FRAS1: variants seen among roughly 807,000 people sequenced by gnomAD.
The protein encoded by FRAS1 is extracellular matrix organizing protein FRAS1.
FRAS1 carries 290 observed loss-of-function variants against 435.2 expected under a neutral mutation model. That is an observed-to-expected ratio of 0.67 (90% CI 0.61 to 0.73). FRAS1 has a LOEUF of 0.73. FRAS1 is among the 30% of genes least tolerant of loss of function. The pLI, the probability that FRAS1 is intolerant of heterozygous loss-of-function variation, is 0.00. For missense variants in FRAS1, 4,860 were observed against 5,001.5 expected, an observed-to-expected ratio of 0.97 and a Z score of 0.85; for synonymous variants, 1,800 against 1,851.0, an observed-to-expected ratio of 0.97 and a Z score of 0.71.
At chr4:78,257,367 A>G (rs989831221) in intron 6 of FRAS1, among the ~76,000 whole-genome samples, 8 of 152,166 alleles carry the variant, frequency 5.3e-5, no homozygotes, top group Admixed American at 3.3e-4. Context: ...CACCTGCCTA[A>G]TAATAACCAT....
chr4:78,479,481 A>G lies in FRAS1; in HGVS notation c.8206A>G (p.Met2736Val), dbSNP rs2109857527. Residue 2736 changes from methionine (M) to valine (V), a missense_variant, in exon 56 of 74, where the codon ATG becomes GTG. Physicochemically the swap from Met to Val is conservative, Grantham distance 21. Transcript: ENST00000512123. ...AGGCTCTGATTTTAAATCTAGAGGG[A>G]TGTCTGCCGCGAGTCGTGTGATATT... ...ESGSDFKSRG[M>V]SAASRVIFGP... The G allele has an allele frequency of 6.2e-7, 1 of 1,611,714 alleles. No homozygotes were observed. The highest frequency in any genetic ancestry group is 1.1e-5 in the South Asian group (1 of 90,758).
At position 78,452,332 on chromosome 4, in the gene FRAS1, C is replaced by G. The variant is rs562261515; in HGVS notation, c.6741C>G (p.His2247Gln). Reference sequence around the variant, plus strand: ...TCACCAGACAGCCCCAGCTGGGCCACTTGGAACATGCAGCATCACCAGGTA... The same window carrying G: ...TCACCAGACAGCCCCAGCTGGGCCAGTTGGAACATGCAGCATCACCAGGTA... ...YRITRQPQLGHLEHAASPGIQ... is the reference protein window; with the variant it reads ...YRITRQPQLGQLEHAASPGIQ... The change falls in exon 47 of 74, where the codon CAC becomes CAG. Residue 2247 changes from histidine (H) to glutamine (Q), a missense_variant. Transcript: ENST00000512123. 4.4e-6 allele frequency: 7 copies of G among 1,606,868 alleles called. No homozygotes were observed. The South Asian group carries it at 7.9e-5, about 18-fold the overall frequency.
At chr4:78,466,125 C>T in intron 49 of FRAS1, 83 bp from the exon 50 acceptor site, 1 of 1,111,430 alleles carries the variant, frequency 9.0e-7, no homozygotes, top group South Asian at 1.4e-5. Context: ...TTCTACTACC[C>T]TTGATCAGCA....
intron 30 of FRAS1, among the ~76,000 whole-genome samples, chr4:78,406,997 A>G (rs1459713407): frequency 1.3e-5 from 2 of 152,202 alleles, no homozygotes; most frequent in African/African-American, 2.4e-5. Flanking sequence ...CACAAAATTT[A>G]TTTTTAAACA....
At chr4:78,364,977 TCA>T (rs1445379175) in intron 22 of FRAS1, among the ~76,000 whole-genome samples, 3 of 152,312 alleles carry the variant, frequency 2.0e-5, no homozygotes, top group Admixed American at 2.0e-4. Flanking sequence ...CCACTAGGCC[TCA>T]GTTTCTTTTT....
intron 65 of FRAS1, among the ~76,000 whole-genome samples, chr4:78,514,601 C>T (rs1721147263): frequency 6.6e-6 from 1 of 152,200 alleles, no homozygotes; most frequent in South Asian, 2.1e-4. Context: ...AAGAGACATA[C>T]TGTGTTTAAA....
chr4:78,399,707 C>G (rs540052390), intron 29 of FRAS1, among the ~76,000 whole-genome samples: 7 of 152,284 alleles, frequency 4.6e-5, no homozygotes, highest in African/African-American at 1.7e-4. Flanking sequence ...TGTGGTGCTT[C>G]TAGAATCTAT....
intron 2 of FRAS1, among the ~76,000 whole-genome samples, chr4:78,133,966 GT>G (rs1238418748): frequency 1.5e-4 from 14 of 93,934 alleles, no homozygotes; most frequent in African/African-American, 2.7e-4. Flanking sequence ...TTTTTTTTTT[GT>G]TTTTTTTTTT....
At chr4:78,311,463 A>G (rs1425779299) in intron 15 of FRAS1, among the ~76,000 whole-genome samples, 3 of 151,980 alleles carry the variant, frequency 2.0e-5, no homozygotes, top group Admixed American at 1.3e-4. Context: ...CATATTACCC[A>G]TCCACGCTCC....
chr4:78,534,298 C>A, intron 70 of FRAS1, 151 bp from the exon 71 acceptor site: 1 of 546,838 alleles, frequency 1.8e-6, no homozygotes, highest in Non-Finnish European at 3.2e-6. Context: ...GTCCTTTTAC[C>A]TTACACATCC....
At chr4:78,235,492 T>C (rs1724713422) in intron 2 of FRAS1, among the ~76,000 whole-genome samples, 1 of 152,082 alleles carries the variant, frequency 6.6e-6, no homozygotes, top group African/African-American at 2.4e-5. Flanking sequence ...GAAAACAGGG[T>C]GAGAAAGTTT....
At chr4:78,118,482 C>T (rs954452514) in intron 2 of FRAS1, among the ~76,000 whole-genome samples, 14 of 152,140 alleles carry the variant, frequency 9.2e-5, no homozygotes, top group East Asian at 3.9e-4. Context: ...TCGAGCTTCC[C>T]GGCTGCTTTG....
intron 2 of FRAS1, among the ~76,000 whole-genome samples, chr4:78,115,854 T>A (rs550025371): frequency 1.3e-5 from 2 of 152,086 alleles, no homozygotes; most frequent in Non-Finnish European, 2.9e-5. Context: ...ATCTTAGTTA[T>A]TTTTTGCCTT....
intron 61 of FRAS1, among the ~76,000 whole-genome samples, chr4:78,502,093 C>A (rs1720701051): frequency 6.6e-6 from 1 of 152,138 alleles, no homozygotes; most frequent in Non-Finnish European, 1.5e-5. Flanking sequence ...CTTTTGGTAC[C>A]AGTACCATGC....
chr4:78,387,033 T>C (rs1295034673), intron 28 of FRAS1, among the ~76,000 whole-genome samples: 1 of 152,140 alleles, frequency 6.6e-6, no homozygotes, highest in East Asian at 1.9e-4. Context: ...CAAAGGCAAG[T>C]CCAAAAATTT....
chr4:78,482,432 T>G lies in FRAS1; in HGVS notation c.8649T>G (p.Ile2883Met). The stretch of plus-strand genomic sequence containing the variant: ...TGGATGACACTCAGTATCCGGTAAT[T>G]GAAGGACTGGAGACATTTGTGGTTT... ...TILDDTQYPV[I>M]EGLETFVVFL... is the part of the protein sequence containing the mutation. Residue 2883 changes from isoleucine to methionine, a missense_variant, in exon 58 of 74, where the codon ATT becomes ATG. By Grantham distance (10) the Ile-to-Met change is conservative. Transcript: ENST00000512123. The G allele has an allele frequency of 6.2e-7, 1 of 1,613,922 alleles. No homozygotes were observed. The highest frequency in any genetic ancestry group is 8.5e-7 in the Non-Finnish European group (1 of 1,179,844).
chr4:78,110,239 G>A (rs1742631488), intron 2 of FRAS1, among the ~76,000 whole-genome samples: 2 of 73,586 alleles, frequency 2.7e-5, no homozygotes, highest in Non-Finnish European at 5.1e-5. Flanking sequence ...TCACAGAATT[G>A]GAAAAAACTA....
chr4:78,221,793 CT>C (rs1480412841), intron 2 of FRAS1, among the ~76,000 whole-genome samples: 2 of 152,154 alleles, frequency 1.3e-5, no homozygotes, highest in Non-Finnish European at 2.9e-5. Flanking sequence ...TGACATGAGG[CT>C]TTTGGACAAG....
intron 20 of FRAS1, among the ~76,000 whole-genome samples, chr4:78,343,254 C>T (rs183953211): frequency 2.0e-5 from 3 of 152,190 alleles, no homozygotes; most frequent in African/African-American, 4.8e-5. Context: ...AAGACCCCTT[C>T]CCTTTATTAT....
Sources: gnomAD v4.1 joint callset for allele counts (sites outside exome capture counted in the v4.1 genomes callset) on GRCh38, gnomAD v4.1.1 for gene constraint, MANE v1.5 for transcripts, NCBI Gene and HGNC (gene_info 2026-07-23, HGNC 2026-07-21) for gene names.